The following LRCH2 variants were observed in gnomAD, a reference collection of about 807,000 sequenced individuals.
The protein encoded by LRCH2 is leucine rich repeats and calponin homology domain containing 2.
In LRCH2, 38 loss-of-function variants were observed where a neutral mutation model predicts 68.9. The ratio of observed to expected loss-of-function variants is 0.55; its 90% CI spans 0.43 to 0.72. LRCH2 has a LOEUF of 0.72. LRCH2 is among the 30% of genes least tolerant of loss of function. The pLI is 0.00. For synonymous variants in LRCH2, 191 were observed against 208.1 expected, an observed-to-expected ratio of 0.92 and a Z score of 0.71; for missense variants, 528 against 572.9, an observed-to-expected ratio of 0.92 and a Z score of 0.80.
At chrX:115,151,367 C>T (rs887920425) in intron 12 of LRCH2, among the ~76,000 whole-genome samples, 4 of 109,346 alleles carry the variant, frequency 3.7e-5, no homozygotes, top group South Asian at 3.9e-4. Context: ...TGATTGATCA[C>T]GTGTAAAATA....
intron 1 of LRCH2, among the ~76,000 whole-genome samples, chrX:115,193,890 T>G (rs1379836350): frequency 9.0e-6 from 1 of 111,406 alleles, no homozygotes; most frequent in African/African-American, 3.3e-5. Flanking sequence ...TCATAGAAAT[T>G]TACTTTGCTC....
intron 14 of LRCH2, among the ~76,000 whole-genome samples, chrX:115,133,398 G>A (rs1290249627): frequency 1.8e-5 from 2 of 112,210 alleles, no homozygotes; most frequent in Non-Finnish European, 3.8e-5. Flanking sequence ...TGTCCTGCAA[G>A]CTATAAAATT....
At chrX:115,192,516 C>G in intron 1 of LRCH2, 1 of 1,169,780 alleles carries the variant, frequency 8.5e-7, no homozygotes, top group Non-Finnish European at 1.1e-6. Context: ...ATCGTGGGCT[C>G]CCTCTGCCCA....
chrX:115,146,947 ACACAC>A (rs1556536488), intron 14 of LRCH2, among the ~76,000 whole-genome samples: 113 of 108,569 alleles, frequency 1.0e-3, no homozygotes, highest in African/African-American at 3.5e-3. Context: ...ACACACACAC[ACACAC>A]ACACACATTC....
rs782332710 is a variant in LRCH2, at chrX:115,122,623, A to G, written c.2101-19T>C. On this transcript the variant is annotated intron_variant, in intron 19 of 20. Coordinates refer to ENST00000317135, the MANE Select transcript of LRCH2 (RefSeq NM_020871.4). ...GTTTGGGCTGTAAAGTAAGAGGGAAAAAATGTACTTTTAGGCATTTTTCTA... is the reference window on the plus strand; with the variant it reads ...GTTTGGGCTGTAAAGTAAGAGGGAAGAAATGTACTTTTAGGCATTTTTCTA... 1 of 1,198,163 alleles carries G rather than the reference A, an allele frequency of 8.3e-7. No individual in the cohort carries two copies. The highest frequency in any genetic ancestry group is 1.1e-6 in the Non-Finnish European group (1 of 887,607).
intron 8 of LRCH2, 43 bp downstream of exon 8, chrX:115,165,798 G>A: frequency 9.9e-7 from 1 of 1,010,752 alleles, no homozygotes; most frequent in Non-Finnish European, 1.4e-6. Flanking sequence ...TTTAATGTGG[G>A]CTATGTACAT....
intron 11 of LRCH2, among the ~76,000 whole-genome samples, chrX:115,160,159 T>A (rs1556541052): frequency 9.2e-6 from 1 of 109,208 alleles, no homozygotes; most frequent in Non-Finnish European, 1.9e-5. Flanking sequence ...CTACTAAAAA[T>A]ACAAAAATTA....
rs896409903 is a variant in LRCH2, at chrX:115,189,397, G to A, written c.350-1027C>T. 6.2e-6 allele frequency: 7 copies of A among 1,134,428 alleles called. No homozygotes were observed. The African/African-American group carries it at 1.1e-4, about 18-fold the overall frequency. The allele number at this position is 1,134,428 out of a possible 1,213,427, so 93.5% of individuals were successfully genotyped here. On this transcript the variant is annotated intron_variant, in intron 1 of 20. Transcript: ENST00000317135. ...TCGAAGGCCGCGACTGAACTGCCGC[G>A]TCATCACTTCCCACTTCCTCTGACC... is the stretch of plus-strand genomic sequence containing the variant.
chrX:115,192,327 G>T, intron 1 of LRCH2: 1 of 1,079,077 alleles, frequency 9.3e-7, no homozygotes, highest in African/African-American at 1.9e-5. Context: ...CCCACAGTGG[G>T]GGCCGCGACA....
At chrX:115,156,476 T>G (rs2072475788) in intron 12 of LRCH2, 126 bp downstream of exon 12, 1 of 370,008 alleles carries the variant, frequency 2.7e-6, no homozygotes. Context: ...ATTTCCTATT[T>G]AAATTATCTA....
At chrX:115,199,537 A>G (rs1430419099) in intron 1 of LRCH2, among the ~76,000 whole-genome samples, 3 of 112,251 alleles carry the variant, frequency 2.7e-5, no homozygotes, top group African/African-American at 9.7e-5. Context: ...ATTAAATAAA[A>G]GACGGTTAAA....
At chrX:115,167,116 C>T (rs1237756393) in intron 6 of LRCH2, among the ~76,000 whole-genome samples, 1 of 88,931 alleles carries the variant, frequency 1.1e-5, no homozygotes, top group Non-Finnish European at 2.1e-5. Flanking sequence ...AAATTTGATC[C>T]CTCAATTATC....
intron 14 of LRCH2, among the ~76,000 whole-genome samples, chrX:115,148,375 A>C (rs143889609): frequency 2.5e-3 from 281 of 112,171 alleles, no homozygotes; most frequent in African/African-American, 8.3e-3. Context: ...AGTGCTATGT[A>C]AGTTTTTTGA....
chrX:115,175,023 G>T (rs1025293874), intron 5 of LRCH2, among the ~76,000 whole-genome samples: 4 of 111,725 alleles, frequency 3.6e-5, no homozygotes, highest in Non-Finnish European at 7.5e-5. Context: ...AATGGCCAAT[G>T]ATGTAACCAA....
intron 1 of LRCH2, among the ~76,000 whole-genome samples, chrX:115,197,512 G>A (rs1556563855): frequency 9.0e-6 from 1 of 111,152 alleles, no homozygotes; most frequent in Non-Finnish European, 1.9e-5. Context: ...AGCACTTTGG[G>A]AGGCCGAGGT....
chrX:115,182,911 A>T (rs1349706156), intron 3 of LRCH2, among the ~76,000 whole-genome samples: 4 of 108,715 alleles, frequency 3.7e-5, no homozygotes, highest in Admixed American at 3.0e-4. Context: ...TGAAGGGGAG[A>T]GAAGTTGTCA....
chrX:115,131,301 T>C, intron 14 of LRCH2, among the ~76,000 whole-genome samples: 1 of 93,207 alleles, frequency 1.1e-5, no homozygotes, highest in Non-Finnish European at 2.0e-5. Flanking sequence ...TTCCCCACCC[T>C]GTGTCCAAGT....
At chrX:115,140,356 G>T (rs2072325910) in intron 14 of LRCH2, among the ~76,000 whole-genome samples, 1 of 111,736 alleles carries the variant, frequency 8.9e-6, no homozygotes, top group South Asian at 3.8e-4. Context: ...ATAACCAGCA[G>T]AAATACCCAG....
chrX:115,190,901 C>T lies in LRCH2; in HGVS notation c.350-2531G>A, dbSNP rs781917323. 6.9e-6 allele frequency: 8 copies of T among 1,162,341 alleles called. No homozygotes were observed. The East Asian group carries it at 9.9e-5, about 14-fold the overall frequency. On this transcript the variant is annotated intron_variant, in intron 1 of 20. Transcript: ENST00000317135. The stretch of plus-strand genomic sequence containing the variant: ...CTGGATGCCAACAGTGGAGGCTGCT[C>T]GCCCGAGGCCTACAGTGGGGGCCAC...
Sources: gnomAD v4.1 joint callset for allele counts (sites outside exome capture counted in the v4.1 genomes callset) on GRCh38, gnomAD v4.1.1 for gene constraint, MANE v1.5 for transcripts, NCBI Gene and HGNC (gene_info 2026-07-23, HGNC 2026-07-21) for gene names.